The following ZFHX4 variants were observed in gnomAD, a reference collection of about 807,000 sequenced individuals.
ZFHX4 encodes the protein zinc finger homeobox 4, also known as zinc finger homeobox protein 4.
Under a neutral mutation model 267.6 loss-of-function variants are expected in ZFHX4, and 56 were observed. That is an observed-to-expected ratio of 0.21 (90% confidence interval 0.17 to 0.26). ZFHX4 has a LOEUF of 0.26. Among genes scored for constraint, ZFHX4 ranks in the 10% least tolerant of loss-of-function variants. The pLI, the probability that ZFHX4 is intolerant of heterozygous loss-of-function variation, is 1.00. For synonymous variants in ZFHX4, 1,778 were observed against 1,665.6 expected (o/e 1.07, Z -1.64); for missense variants, 4,332 against 4,420.0 (o/e 0.98, Z 0.56).
At position 76,778,540 on chromosome 8, in the gene ZFHX4, A is replaced by C. The variant is rs1423430890; in HGVS notation, c.3325+101A>C. On this transcript the variant is annotated intron_variant, in intron 4 of 10. Coordinates refer to ENST00000651372, the MANE Select transcript of ZFHX4 (RefSeq NM_024721.5). The stretch of plus-strand genomic sequence containing the variant: ...ACACACACACGCCTCAAACTCTCCA[A>C]CTCGAGCCTGTCCCCCAGTGTAAAA... 1.6e-5 allele frequency: 16 copies of C among 970,224 alleles called. No individual in the cohort carries two copies. In the African/African-American group the frequency reaches 2.4e-4, roughly 15 times the overall value. The allele number at this position is 970,224 out of a possible 1,614,324, so 60.1% of individuals were successfully genotyped here.
At chr8:76,850,570 G>C (rs1260213745) in intron 9 of ZFHX4, among the ~76,000 whole-genome samples, 1 of 152,204 alleles carries the variant, frequency 6.6e-6, no homozygotes, top group Non-Finnish European at 1.5e-5. Flanking sequence ...AGACACCCAG[G>C]AAAATTCTGT....
intron 1 of ZFHX4, chr8:76,683,144 C>T (rs1379019414): frequency 3.3e-5 from 5 of 152,130 alleles, no homozygotes; most frequent in Non-Finnish European, 4.4e-5. Context: ...CGCGACTTCT[C>T]ACTTCCGCGC....
chr8:76,743,387 A>G (rs1257018568), intron 3 of ZFHX4, among the ~76,000 whole-genome samples: 1 of 152,234 alleles, frequency 6.6e-6, no homozygotes, highest in Non-Finnish European at 1.5e-5. Context: ...CTGCTCTGTT[A>G]CAGGTTTCTG....
chr8:76,865,791 C>T lies in ZFHX4; in HGVS notation c.*1226C>T, dbSNP rs1173028198. 2.0e-5 allele frequency: 3 copies of T among 152,624 alleles called. No homozygotes were observed. Among genetic ancestry groups the T allele is most frequent in the South Asian group, 2.1e-4 (1 of 4,836 alleles). 9.5% of individuals were successfully genotyped at this position (152,624 alleles called of 1,614,324 possible). A position where few individuals can be genotyped will look rare whatever the true frequency, so the allele number is the denominator to read the frequency against. The stretch of plus-strand genomic sequence containing the variant: ...CTGAATTCAGTGATATCCCTATACA[C>T]TGCCATTTAGTGGATAGGTTATTGT... On this transcript the variant is annotated 3_prime_UTR_variant, in exon 11 of 11. Coordinates refer to ENST00000651372, the MANE Select transcript of ZFHX4 (RefSeq NM_024721.5).
At chr8:76,715,352 C>T (rs183484473) in intron 3 of ZFHX4, among the ~76,000 whole-genome samples, 5 of 151,566 alleles carry the variant, frequency 3.3e-5, no homozygotes, top group African/African-American at 9.7e-5. Context: ...AATGGTGGTG[C>T]GCACCTGTAG....
intron 1 of ZFHX4, among the ~76,000 whole-genome samples, chr8:76,692,671 C>A (rs1807854314): frequency 6.6e-6 from 1 of 151,868 alleles, no homozygotes; most frequent in Non-Finnish European, 1.5e-5. Context: ...ATTTTTTGAA[C>A]CACCTGGAAA....
chr8:76,696,403 C>T (rs1563464729), intron 1 of ZFHX4, among the ~76,000 whole-genome samples: 1 of 151,974 alleles, frequency 6.6e-6, no homozygotes, highest in Non-Finnish European at 1.5e-5. Context: ...AATCAGGTTA[C>T]CAGCAGATCA....
chr8:76,855,602 A>T lies in ZFHX4; in HGVS notation c.8681A>T (p.Asp2894Val), dbSNP rs751611821. 3 of 1,613,832 alleles carry T rather than the reference A, an allele frequency of 1.9e-6. No individual in the cohort carries two copies. Among genetic ancestry groups the T allele is most frequent in the Non-Finnish European group, 2.5e-6 (3 of 1,179,802 alleles). The change falls in exon 10 of 11, where the codon GAC becomes GTC. Residue 2894 changes from aspartate to valine, a missense_variant. Around this residue, in one of 7 missense-constraint regions of ZFHX4, gnomAD observed 1,648 missense variants for 1,625.0 expected, o/e 1.01. Coordinates refer to ENST00000651372, the MANE Select transcript of ZFHX4 (RefSeq NM_024721.5). ...TTTTACATCACAGATGACCCGGATG[A>T]CAACGCCGACCGCAGCGAAACGTCC... Reference protein sequence around the residue: ...QSFYITDDPDDNADRSETSSI... With the variant: ...QSFYITDDPDVNADRSETSSI...
chr8:76,852,277 C>A lies in ZFHX4; in HGVS notation c.5356C>A (p.His1786Asn), dbSNP rs746076821. 6.3e-7 allele frequency: 1 copy of A among 1,578,936 alleles called. No individual in the cohort carries two copies. Among genetic ancestry groups the A allele is most frequent in the Non-Finnish European group, 8.6e-7 (1 of 1,161,076 alleles). ...EDLKQQIQTQ[H>N]HVGQTQLQIL... is the part of the protein sequence containing the mutation. The stretch of plus-strand genomic sequence containing the variant: ...CCTAAAGCAGCAGATTCAAACCCAA[C>A]ATCACGTTGGTCAAACTCAACTCCA... The change falls in exon 10 of 11, where the codon CAT becomes AAT. Residue 1786 changes from histidine (H) to asparagine (N), a missense_variant. His to Asn is a moderately conservative substitution (Grantham distance 68). Around this residue, in one of 7 missense-constraint regions of ZFHX4, gnomAD observed 1,371 missense variants for 1,423.1 expected, o/e 0.96. Transcript: ENST00000651372.
intron 3 of ZFHX4, among the ~76,000 whole-genome samples, chr8:76,770,517 T>G (rs1585926892): frequency 6.6e-6 from 1 of 152,172 alleles, no homozygotes; most frequent in Admixed American, 6.6e-5. Flanking sequence ...TATAGCTATA[T>G]GCTGGACATT....
chr8:76,687,133 C>T (rs1161604144), intron 1 of ZFHX4, among the ~76,000 whole-genome samples: 1 of 152,134 alleles, frequency 6.6e-6, no homozygotes, highest in Non-Finnish European at 1.5e-5. Context: ...CAGTATTGTT[C>T]TGAAACAATA....
intron 3 of ZFHX4, among the ~76,000 whole-genome samples, chr8:76,713,294 T>C (rs1194023192): frequency 6.6e-6 from 1 of 151,774 alleles, no homozygotes; most frequent in Non-Finnish European, 1.5e-5. Flanking sequence ...GATAGATAGA[T>C]AGATAGATAG....
At chr8:76,829,756 T>C (rs977465856) in intron 4 of ZFHX4, among the ~76,000 whole-genome samples, 1 of 151,828 alleles carries the variant, frequency 6.6e-6, no homozygotes, top group African/African-American at 2.4e-5. Flanking sequence ...GAGGTGGAGG[T>C]TGCAGTGAGT....
At chr8:76,762,653 A>G (rs1305361172) in intron 3 of ZFHX4, among the ~76,000 whole-genome samples, 3 of 152,210 alleles carry the variant, frequency 2.0e-5, no homozygotes, top group East Asian at 1.9e-4. Context: ...TCAAATAAAT[A>G]TACACAGAGC....
chr8:76,863,335 A>G lies in ZFHX4; in HGVS notation c.9621A>G (p.Leu3207=), dbSNP rs1812924930. 6.2e-7 allele frequency: 1 copy of G among 1,613,682 alleles called. No individual in the cohort carries two copies. The highest frequency in any genetic ancestry group is 1.7e-5 in the Admixed American group (1 of 59,964). ...TGAAAAAAATCAAAGAGGAGGAATTAGAGGCCACCAAACCCGAAAAACACC... is the reference window on the plus strand; with the variant it reads ...TGAAAAAAATCAAAGAGGAGGAATTGGAGGCCACCAAACCCGAAAAACACC... ...NKVKKIKEEE[L]EATKPEKHPK... is the part of the protein sequence containing the mutation. The change falls in exon 11 of 11, where the codon TTA becomes TTG. Residue 3207 remains leucine (L), a synonymous_variant. Transcript: ENST00000651372.
chr8:76,856,774 GT>G (rs1431403497), intron 10 of ZFHX4, among the ~76,000 whole-genome samples: 1 of 152,086 alleles, frequency 6.6e-6, no homozygotes, highest in Non-Finnish European at 1.5e-5. Flanking sequence ...GACACCCAGA[GT>G]TCAAAAGTTG....
intron 10 of ZFHX4, among the ~76,000 whole-genome samples, chr8:76,858,217 G>A (rs570705274): frequency 6.6e-6 from 1 of 152,346 alleles, no homozygotes; most frequent in East Asian, 1.9e-4. Flanking sequence ...AGGAGGAAAA[G>A]AGATGTTTAT....
intron 1 of ZFHX4, among the ~76,000 whole-genome samples, chr8:76,697,757 T>C (rs1807996128): frequency 6.6e-6 from 1 of 152,090 alleles, no homozygotes; most frequent in Non-Finnish European, 1.5e-5. Flanking sequence ...GGTATATTTA[T>C]ATGCATTTTA....
At chr8:76,844,342 A>G (rs1043132937) in intron 6 of ZFHX4, among the ~76,000 whole-genome samples, 2 of 152,126 alleles carry the variant, frequency 1.3e-5, no homozygotes, top group Admixed American at 6.5e-5. Flanking sequence ...AAGAATGTAT[A>G]ACAGAGATAT....
Sources: allele counts gnomAD v4.1 joint callset (sites outside exome capture counted in the v4.1 genomes callset), GRCh38; gene constraint gnomAD v4.1.1; regional missense constraint gnomAD v4.1.1; transcripts MANE v1.5; gene names NCBI Gene and HGNC (gene_info 2026-07-23, HGNC 2026-07-21).